The following NRP1 variants were observed in gnomAD, a reference collection of about 807,000 sequenced individuals.
NRP1 encodes neuropilin 1.
A neutral mutation model predicts 106.7 loss-of-function variants in NRP1; 35 were observed. That is an observed-to-expected ratio of 0.33 (90% CI 0.25 to 0.43). NRP1 has a LOEUF of 0.43. NRP1 is among the 20% of genes least tolerant of loss of function. The pLI, the probability that NRP1 is intolerant of heterozygous loss-of-function variation, is 1.00. For synonymous variants in NRP1, 437 were observed against 417.9 expected, an observed-to-expected ratio of 1.05 and a Z score of -0.56; for missense variants, 1,024 against 1,170.4, an observed-to-expected ratio of 0.87 and a Z score of 1.83.
Position 33,238,905 on chromosome 10 carries a change from C to CTGTGTGTGTGTG in NRP1, c.982-12628_982-12617dup, listed in dbSNP as rs34194923. Among the ~76,000 whole-genome samples the CTGTGTGTGTGTG allele has an allele frequency of 8.7e-5, 13 of 148,610 alleles. 1 individual carries two copies. The highest frequency in any genetic ancestry group is 1.6e-4 in the Non-Finnish European group (11 of 67,058). On this transcript the variant is annotated intron_variant, in intron 6 of 16. Coordinates refer to ENST00000374867, the MANE Select transcript of NRP1 (RefSeq NM_003873.7). ...TTTTGGGTAATTGGAGTGGGTGCCT[C>CTGTGTGTGTGTG]TGTGTGTGTGTGTGTGTGTGTGTGT...
chr10:33,333,206 T>C (rs78236030), intron 1 of NRP1, among the ~76,000 whole-genome samples: 4,428 of 146,742 alleles, frequency 0.03, 116 homozygotes, highest in Non-Finnish European at 0.046. Context: ...CTTGGGCTCA[T>C]TAATAAGCTG....
At chr10:33,203,584 A>G (rs1837515608) in intron 10 of NRP1, among the ~76,000 whole-genome samples, 1 of 152,106 alleles carries the variant, frequency 6.6e-6, no homozygotes, top group Non-Finnish European at 1.5e-5. Context: ...TCTCCAGGGC[A>G]GGTGTGTGAG....
intron 2 of NRP1, among the ~76,000 whole-genome samples, chr10:33,316,979 C>CA (rs1195491070): frequency 1.6e-4 from 24 of 152,126 alleles, no homozygotes; most frequent in African/African-American, 5.8e-4. Flanking sequence ...GAGTGTGAGA[C>CA]AGAGTGTGAG....
chr10:33,213,905 G>T, intron 8 of NRP1, 188 bp from the exon 9 acceptor site: 1 of 568,066 alleles, frequency 1.8e-6, no homozygotes, highest in Non-Finnish European at 3.1e-6. Flanking sequence ...CAGAATTCCC[G>T]TCTCTAAACT....
At chr10:33,286,801 C>G (rs547072869) in intron 2 of NRP1, among the ~76,000 whole-genome samples, 3 of 152,002 alleles carry the variant, frequency 2.0e-5, no homozygotes, top group Admixed American at 6.6e-5. Flanking sequence ...TTCTCTCCGC[C>G]CCCCCACCCA....
chr10:33,302,341 T>G (rs1309731551), intron 2 of NRP1, among the ~76,000 whole-genome samples: 1 of 152,226 alleles, frequency 6.6e-6, no homozygotes, highest in Non-Finnish European at 1.5e-5. Context: ...CTCATCCTGT[T>G]TGGCCCCTTT....
At chr10:33,279,436 G>C (rs1290559557) in intron 2 of NRP1, among the ~76,000 whole-genome samples, 6 of 152,178 alleles carry the variant, frequency 3.9e-5, no homozygotes, top group Admixed American at 3.9e-4. Flanking sequence ...GGTGCTCCCA[G>C]ATCCTCTCCA....
At chr10:33,220,623 C>A (rs576642333) in intron 8 of NRP1, among the ~76,000 whole-genome samples, 2 of 152,112 alleles carry the variant, frequency 1.3e-5, no homozygotes, top group African/African-American at 4.8e-5. Context: ...AGGCTGGGCG[C>A]GGTGGCTCAC....
intron 8 of NRP1, among the ~76,000 whole-genome samples, chr10:33,218,331 CTTTTTTCTTTCT>C (rs1404988388): frequency 7.1e-6 from 1 of 141,242 alleles, no homozygotes; most frequent in African/African-American, 2.5e-5. Flanking sequence ...TACTATATTT[CTTTTTTCTTTCT>C]TTTTTTTTTT....
chr10:33,182,050 C>T (rs552073782), intron 16 of NRP1, among the ~76,000 whole-genome samples: 19 of 152,182 alleles, frequency 1.2e-4, no homozygotes, highest in African/African-American at 3.9e-4. Context: ...GCTGAGATCA[C>T]GCCACTGCAC....
chr10:33,322,705 A>G (rs904424831), intron 2 of NRP1, among the ~76,000 whole-genome samples: 4 of 152,178 alleles, frequency 2.6e-5, no homozygotes, highest in African/African-American at 9.7e-5. Context: ...GTGGAAAACC[A>G]CCAATTGGTT....
intron 2 of NRP1, among the ~76,000 whole-genome samples, chr10:33,320,926 C>T (rs1280605801): frequency 3.3e-5 from 5 of 152,132 alleles, no homozygotes; most frequent in Admixed American, 3.3e-4. Context: ...GTCACATTAA[C>T]TGGAATTTGT....
At chr10:33,265,059 G>A (rs189226756) in intron 3 of NRP1, among the ~76,000 whole-genome samples, 3 of 151,434 alleles carry the variant, frequency 2.0e-5, no homozygotes, top group South Asian at 2.1e-4. Flanking sequence ...GCAGTGAGCC[G>A]AGATCACACC....
chr10:33,228,601 T>A (rs901529930), intron 6 of NRP1, among the ~76,000 whole-genome samples: 3 of 152,210 alleles, frequency 2.0e-5, no homozygotes, highest in Non-Finnish European at 1.5e-5. Context: ...GCTTTTTTCC[T>A]GAAGGCGCTT....
chr10:33,263,181 C>T (rs1480421797), intron 4 of NRP1, among the ~76,000 whole-genome samples: 1 of 152,130 alleles, frequency 6.6e-6, no homozygotes, highest in Non-Finnish European at 1.5e-5. Context: ...ATAACGGATG[C>T]ATAGTTTAGC....
chr10:33,296,570 G>A (rs1407541369), intron 2 of NRP1, among the ~76,000 whole-genome samples: 1 of 152,066 alleles, frequency 6.6e-6, no homozygotes, highest in Non-Finnish European at 1.5e-5. Context: ...AGGCATGAGG[G>A]GTCCCTTCTG....
At chr10:33,225,008 A>G (rs1410437581) in intron 7 of NRP1, among the ~76,000 whole-genome samples, 1 of 152,182 alleles carries the variant, frequency 6.6e-6, no homozygotes, top group Non-Finnish European at 1.5e-5. Context: ...CAGTCATGAA[A>G]CTTGGGGTCA....
chr10:33,251,850 G>A (rs1016907034), intron 6 of NRP1, among the ~76,000 whole-genome samples: 2 of 152,130 alleles, frequency 1.3e-5, no homozygotes, highest in Non-Finnish European at 2.9e-5. Context: ...ACTGATACGG[G>A]AGTGCTGGGA....
chr10:33,258,866 T>A (rs1842381369), intron 4 of NRP1, among the ~76,000 whole-genome samples: 1 of 152,210 alleles, frequency 6.6e-6, no homozygotes, highest in Admixed American at 6.5e-5. Flanking sequence ...TCATTTCTGA[T>A]CTGCAATATT....
Sources: gnomAD v4.1 joint callset for allele counts (sites outside exome capture counted in the v4.1 genomes callset) on GRCh38, gnomAD v4.1.1 for gene constraint, MANE v1.5 for transcripts, NCBI Gene and HGNC (gene_info 2026-07-23, HGNC 2026-07-21) for gene names.